Variants in KLF8 observed in about 807,000 individuals in gnomAD.
KLF8 encodes KLF transcription factor 8.
KLF8 carries 10 observed loss-of-function variants against 18.2 expected under a neutral mutation model. That is an observed-to-expected ratio of 0.55 (90% confidence interval 0.34 to 0.93). KLF8 has a LOEUF of 0.93. Among genes scored for constraint, KLF8 ranks in the 40% least tolerant of loss-of-function variants. The pLI, the probability that KLF8 is intolerant of heterozygous loss-of-function variation, is 0.02. For synonymous variants in KLF8, 109 were observed against 97.3 expected (o/e 1.12, Z -0.71); for missense variants, 264 against 277.9 (o/e 0.95, Z 0.36).
At chrX:56,115,240 C>A in the KLF8 span, among the ~76,000 whole-genome samples, 1 of 110,523 alleles carries the variant, frequency 9.0e-6, no homozygotes, top group Non-Finnish European at 1.9e-5. Flanking sequence ...ATAGTAAAAC[C>A]CCATCACACA....
At chrX:55,934,037 T>C in the KLF8 span, among the ~76,000 whole-genome samples, 3 of 112,060 alleles carry the variant, frequency 2.7e-5, no homozygotes, top group Non-Finnish European at 5.6e-5. Flanking sequence ...AACAACAATG[T>C]GTATCCTAGA....
the KLF8 span, among the ~76,000 whole-genome samples, chrX:56,026,568 C>G: frequency 8.9e-6 from 1 of 112,020 alleles, no homozygotes; most frequent in Non-Finnish European, 1.9e-5. Context: ...TTTCCCTAAA[C>G]TATTTTTGAC....
chrX:56,234,808 G>T (rs2147555778), intron 1 of KLF8, among the ~76,000 whole-genome samples: 1 of 112,513 alleles, frequency 8.9e-6, no homozygotes, highest in South Asian at 3.7e-4. Context: ...TTGACCTTTG[G>T]TGACTGCTGG....
At chrX:55,988,126 A>G in the KLF8 span, among the ~76,000 whole-genome samples, 4 of 111,743 alleles carry the variant, frequency 3.6e-5, no homozygotes, top group East Asian at 5.6e-4. Flanking sequence ...AGTAGTTTGC[A>G]AAAATTTTCT....
the KLF8 span, among the ~76,000 whole-genome samples, chrX:56,211,524 C>T: frequency 8.9e-6 from 1 of 112,004 alleles, no homozygotes; most frequent in African/African-American, 3.2e-5. Flanking sequence ...GCTGTAACCA[C>T]TCCGTGGCTA....
the KLF8 span, among the ~76,000 whole-genome samples, chrX:56,078,093 A>G: frequency 9.0e-6 from 1 of 111,650 alleles, no homozygotes; most frequent in Non-Finnish European, 1.9e-5. Context: ...GCAAACATGG[A>G]CTGTTTGACT....
At position 56,287,593 on chromosome X, in the gene KLF8, A is replaced by C. The variant is rs1163411997; in HGVS notation, c.*3099A>C. On this transcript the variant is annotated 3_prime_UTR_variant, in exon 6 of 6. Transcript: ENST00000468660. ...CCTCTATCTGATGATCAGCAGTTGA[A>C]CATAAACTTCATAATTATAGTAAAA... is the stretch of plus-strand genomic sequence containing the variant. 3.6e-5 allele frequency: 4 copies of C among 112,316 alleles called. No individual in the cohort carries two copies. Among genetic ancestry groups the C allele is most frequent in the Non-Finnish European group, 7.5e-5 (4 of 53,303 alleles). 9.3% of individuals were successfully genotyped at this position (112,316 alleles called of 1,213,427 possible). A position where few individuals can be genotyped will look rare whatever the true frequency, so the allele number is the denominator to read the frequency against.
the KLF8 span, among the ~76,000 whole-genome samples, chrX:55,916,071 A>C: frequency 3.6e-5 from 4 of 111,908 alleles, no homozygotes; most frequent in African/African-American, 1.3e-4. Flanking sequence ...CCCAAATCAC[A>C]AGGAAGTGGA....
the KLF8 span, among the ~76,000 whole-genome samples, chrX:56,146,555 C>T: frequency 9.1e-6 from 1 of 110,092 alleles, no homozygotes; most frequent in South Asian, 3.9e-4. Context: ...CACGCTGGGG[C>T]CTGTCTGGAT....
chrX:56,188,028 A>G, the KLF8 span, among the ~76,000 whole-genome samples: 2 of 111,191 alleles, frequency 1.8e-5, no homozygotes, highest in East Asian at 2.8e-4. Flanking sequence ...GGCCAGGGCA[A>G]TTAGGCAGGC....
the KLF8 span, among the ~76,000 whole-genome samples, chrX:56,094,822 A>G: frequency 9.0e-6 from 1 of 111,291 alleles, no homozygotes; most frequent in Non-Finnish European, 1.9e-5. Context: ...CAAAACACGT[A>G]GAGGTAAAAT....
the KLF8 span, among the ~76,000 whole-genome samples, chrX:56,209,883 G>C: frequency 9.0e-6 from 1 of 111,507 alleles, no homozygotes; most frequent in African/African-American, 3.3e-5. Flanking sequence ...GTTTAACACT[G>C]TTTCCATAAA....
the KLF8 span, among the ~76,000 whole-genome samples, chrX:56,013,446 G>A: frequency 4.5e-5 from 5 of 111,727 alleles, no homozygotes; most frequent in African/African-American, 1.6e-4. Flanking sequence ...CCTTGATACT[G>A]TTGGAAATAC....
chrX:55,925,006 C>T, the KLF8 span, among the ~76,000 whole-genome samples: 1 of 103,084 alleles, frequency 9.7e-6, no homozygotes, highest in African/African-American at 3.6e-5. Context: ...CAGGCATCTG[C>T]CACCACGCCC....
intron 1 of KLF8, chrX:56,243,445 G>A (rs1415471109): frequency 1.5e-5 from 3 of 198,170 alleles, no homozygotes; most frequent in East Asian, 2.4e-4. Context: ...CTACTTCTGA[G>A]TACCTGCTGT....
At chrX:56,177,269 G>T in the KLF8 span, among the ~76,000 whole-genome samples, 2 of 110,961 alleles carry the variant, frequency 1.8e-5, no homozygotes, top group Non-Finnish European at 3.8e-5. Context: ...GTGACTTACA[G>T]ATGGGGTTTT....
the KLF8 span, among the ~76,000 whole-genome samples, chrX:56,082,188 T>C: frequency 8.9e-6 from 1 of 112,200 alleles, no homozygotes; most frequent in Admixed American, 9.5e-5. Context: ...TGACAGGTTG[T>C]GCATTTCTAT....
At chrX:56,153,972 G>T in the KLF8 span, among the ~76,000 whole-genome samples, 1 of 111,419 alleles carries the variant, frequency 9.0e-6, no homozygotes, top group Non-Finnish European at 1.9e-5. Flanking sequence ...TCATGAGTAG[G>T]AAGAATCAAT....
the KLF8 span, among the ~76,000 whole-genome samples, chrX:56,146,851 AAC>A: frequency 8.9e-6 from 1 of 112,124 alleles, no homozygotes; most frequent in Non-Finnish European, 1.9e-5. Flanking sequence ...AAAGGTTTAA[AAC>A]ACATATTTTC....
Sources: gnomAD v4.1 joint callset for allele counts (sites outside exome capture counted in the v4.1 genomes callset) on GRCh38, gnomAD v4.1.1 for gene constraint, MANE v1.5 for transcripts, NCBI Gene and HGNC (gene_info 2026-07-23, HGNC 2026-07-21) for gene names.